Variants in GPRC6A observed in about 807,000 individuals in gnomAD.
The protein encoded by GPRC6A is G protein-coupled receptor class C group 6 member A.
GPRC6A carries 54 observed loss-of-function variants against 47.0 expected under a neutral mutation model. The observed-to-expected ratio is 1.15, with a 90% CI of 0.92 to 1.44. The LOEUF is 1.44. GPRC6A is among the 40% of genes most tolerant of loss of function. The probability of loss-of-function intolerance (pLI) is 0.00; values close to 1 mark genes in which losing one functional copy is unlikely to be tolerated. For missense variants in GPRC6A, 1,112 were observed against 1,105.5 expected (o/e 1.01, Z -0.08); for synonymous variants, 347 against 377.1 (o/e 0.92, Z 0.93).
At chr6:116,794,363 G>T (rs183610312) in intron 5 of GPRC6A, among the ~76,000 whole-genome samples, 68 of 152,022 alleles carry the variant, frequency 4.5e-4, no homozygotes, top group Admixed American at 3.5e-3. Context: ...CATTTCATTC[G>T]TCCAGTGGAC....
At chr6:116,795,860 T>G in intron 4 of GPRC6A, 25 bp from the exon 5 acceptor site, 3 of 1,487,792 alleles carry the variant, frequency 2.0e-6, no homozygotes, top group Non-Finnish European at 2.8e-6. Flanking sequence ...AAAAAAAAAA[T>G]CACAAGTAAA....
chr6:116,798,469 G>A (rs1159053588), intron 4 of GPRC6A, among the ~76,000 whole-genome samples: 2 of 152,138 alleles, frequency 1.3e-5, no homozygotes, highest in African/African-American at 4.8e-5. Flanking sequence ...GGTTCGTACT[G>A]GGGGTAGGTT....
intron 4 of GPRC6A, among the ~76,000 whole-genome samples, chr6:116,798,753 C>T (rs544002499): frequency 4.5e-4 from 68 of 151,848 alleles, no homozygotes; most frequent in Non-Finnish European, 8.5e-4. Flanking sequence ...CATGGTGGTA[C>T]ACACCTGTAA....
chr6:116,828,624 A>G (rs1562118340), intron 1 of GPRC6A, among the ~76,000 whole-genome samples, 196 bp downstream of exon 1: 1 of 152,094 alleles, frequency 6.6e-6, no homozygotes, highest in Non-Finnish European at 1.5e-5. Flanking sequence ...CTGCACTTGG[A>G]GGTTGTTTCA....
rs762476414 is a variant in GPRC6A at position 116,792,406 on chromosome 6, A to G, written c.2517T>C (p.Cys839=). 1 of 1,614,082 alleles carries G rather than the reference A, an allele frequency of 6.2e-7. No individual in the cohort carries two copies. The highest frequency in any genetic ancestry group is 1.7e-5 in the Admixed American group (1 of 60,010). ...CAGACTTTGTGTTAATCTCTTGCTT[A>G]CAAATAATAACATAGCATTTGGGGA... is the stretch of plus-strand genomic sequence containing the variant. ...TFIPKCYVII[C]KQEINTKSAF... The change falls in exon 6 of 6, where the codon TGT becomes TGC. Residue 839 remains cysteine (C), a synonymous_variant. Transcript: ENST00000310357.
rs143716393 is a variant in GPRC6A, at chr6:116,800,604, T to G, written c.1528A>C (p.Asn510His). The G allele has an allele frequency of 4.2e-4, 676 of 1,613,122 alleles. 1 individual carries two copies. Among genetic ancestry groups the G allele is most frequent in the African/African-American group, 3.9e-3 (289 of 74,962 alleles). The change falls in exon 4 of 6, where the codon AAT becomes CAT. Residue 510 changes from asparagine to histidine, a missense_variant. Asn to His is a moderately conservative substitution (Grantham distance 68). Coordinates refer to ENST00000310357, the MANE Select transcript of GPRC6A (RefSeq NM_148963.4). ...GTTACCTTAAGATTCCTGAACTCAT[T>G]TTTTGTTTCCTGATCTGGGATGATG... ...VFIIPDQETK[N>H]EFRNLKQIQS...
At chr6:116,816,183 T>C (rs1390033041) in intron 1 of GPRC6A, among the ~76,000 whole-genome samples, 1 of 152,238 alleles carries the variant, frequency 6.6e-6, no homozygotes, top group Non-Finnish European at 1.5e-5. Context: ...AATTCTAGCA[T>C]TAACTCAAAA....
intron 1 of GPRC6A, among the ~76,000 whole-genome samples, chr6:116,821,726 C>T (rs1203158880): frequency 6.6e-6 from 1 of 151,936 alleles, no homozygotes; most frequent in East Asian, 1.9e-4. Context: ...GGATTAAAGA[C>T]TTAAACGTTA....
intron 1 of GPRC6A, among the ~76,000 whole-genome samples, chr6:116,815,878 G>T (rs138642611): frequency 6.6e-6 from 1 of 152,192 alleles, no homozygotes; most frequent in African/African-American, 2.4e-5. Flanking sequence ...AAATAGCTGA[G>T]ATTGGGTAAT....
chr6:116,796,283 A>T (rs201866746), intron 4 of GPRC6A, among the ~76,000 whole-genome samples: 4 of 148,994 alleles, frequency 2.7e-5, no homozygotes. Context: ...TCCAAAAAAT[A>T]AAAAAAAAAG....
chr6:116,801,966 A>G (rs1772689712), intron 3 of GPRC6A, among the ~76,000 whole-genome samples: 1 of 152,208 alleles, frequency 6.6e-6, no homozygotes, highest in African/African-American at 2.4e-5. Context: ...TCTCACTTCT[A>G]TCTGTTGACT....
intron 1 of GPRC6A, among the ~76,000 whole-genome samples, chr6:116,825,910 C>A (rs1022087371): frequency 1.3e-5 from 2 of 151,890 alleles, no homozygotes; most frequent in African/African-American, 2.4e-5. Flanking sequence ...TTATTGCCAA[C>A]AGATTTTTGA....
chr6:116,810,766 A>G (rs576227093), intron 1 of GPRC6A, among the ~76,000 whole-genome samples: 1 of 152,142 alleles, frequency 6.6e-6, no homozygotes, highest in South Asian at 2.1e-4. Context: ...AATTTAATTA[A>G]AATTTTAATT....
intron 1 of GPRC6A, among the ~76,000 whole-genome samples, chr6:116,817,035 A>G (rs1773242756): frequency 6.6e-6 from 1 of 152,216 alleles, no homozygotes; most frequent in Non-Finnish European, 1.5e-5. Context: ...GGAGCCCACC[A>G]CAGCTCAAGG....
intron 1 of GPRC6A, among the ~76,000 whole-genome samples, chr6:116,819,906 T>G (rs9400963): frequency 0.33 from 48,177 of 146,938 alleles, 8,255 homozygotes; most frequent in East Asian, 0.52. Context: ...TTCAAAAAAT[T>G]AATGAATCCA....
chr6:116,821,599 A>G (rs1357805706), intron 1 of GPRC6A, among the ~76,000 whole-genome samples: 1 of 152,036 alleles, frequency 6.6e-6, no homozygotes, highest in Non-Finnish European at 1.5e-5. Context: ...GAGAAAAACA[A>G]GCAATGGGGA....
rs1554263527 is a variant in GPRC6A, at chr6:116,818,532, T to TCAAAAAAAAAAAAAAAAAAAA, written c.195-8916_195-8915insTTTTTTTTTTTTTTTTTTTTG. Among the ~76,000 whole-genome samples the TCAAAAAAAAAAAAAAAAAAAA allele has an allele frequency of 3.9e-4, 6 of 15,508 alleles. 3 individuals carry two copies. Among genetic ancestry groups the TCAAAAAAAAAAAAAAAAAAAA allele is most frequent in the Admixed American group, 1.7e-3 (2 of 1,190 alleles). The allele number at this position is 15,508 out of a possible 152,430, so 10.2% of individuals were successfully genotyped here. ...CTGGGCGACAGAGCGAGACTCCGTC[T>TCAAAAAAAAAAAAAAAAAAAA]AAAAAAAAAAAAAAAAAAAAAAAAA... On this transcript the variant is annotated intron_variant, in intron 1 of 5. Transcript: ENST00000310357.
At position 116,793,183 on chromosome 6, in the gene GPRC6A, A is replaced by G; in HGVS notation, c.1740T>C (p.Phe580=). 1 of 1,613,028 alleles carries G rather than the reference A, an allele frequency of 6.2e-7. No individual in the cohort carries two copies. Among genetic ancestry groups the G allele is most frequent in the Non-Finnish European group, 8.5e-7 (1 of 1,179,306 alleles). ...HWAPVRSTMC[F]EKEVEYLNWN... ...AGTTGAGATATTCCACTTCCTTTTC[A>G]AAGCACATAGTGCTCCTAACAGGGG... The change falls in exon 6 of 6, where the codon TTT becomes TTC. Residue 580 remains phenylalanine (F), a synonymous_variant. Transcript: ENST00000310357.
chr6:116,828,719 A>AT lies in GPRC6A; in HGVS notation c.194+100dup, dbSNP rs200951506. The AT allele has an allele frequency of 4.0e-6, 4 of 989,014 alleles. No individual in the cohort carries two copies. The African/African-American group carries it at 6.6e-5, about 16-fold the overall frequency. The allele number at this position is 989,014 out of a possible 1,614,324, so 61.3% of individuals were successfully genotyped here. ...GCAACTTAAAAATACATATGAGTTT[A>AT]TTTTTTTAAATGATTTAGATATTAA... On this transcript the variant is annotated intron_variant, in intron 1 of 5. Coordinates refer to ENST00000310357, the MANE Select transcript of GPRC6A (RefSeq NM_148963.4).
Sources: gnomAD v4.1 joint callset for allele counts (sites outside exome capture counted in the v4.1 genomes callset) on GRCh38, gnomAD v4.1.1 for gene constraint, MANE v1.5 for transcripts, NCBI Gene and HGNC (gene_info 2026-07-23, HGNC 2026-07-21) for gene names.